GIP: variants seen among roughly 807,000 people sequenced by gnomAD.
GIP encodes gastric inhibitory polypeptide, also known as glucose-dependent insulinotropic polypeptide.
In GIP, 16 loss-of-function variants were observed where a neutral mutation model predicts 18.1. The ratio of observed to expected loss-of-function variants is 0.88; its 90% CI spans 0.60 to 1.34. The LOEUF (loss-of-function observed/expected upper bound fraction) is 1.34, where lower values mean the gene tolerates loss of function less well. Ranked by LOEUF, GIP falls within the 40% of genes most tolerant of loss-of-function variation. The pLI is 0.00. For synonymous variants in GIP, 76 were observed against 74.0 expected (o/e 1.03, Z -0.14); for missense variants, 192 against 183.4 (o/e 1.05, Z -0.27).
intron 1 of GIP, among the ~76,000 whole-genome samples, chr17:48,968,103 C>CT (rs941489985): frequency 6.6e-6 from 1 of 151,644 alleles, no homozygotes; most frequent in African/African-American, 2.4e-5. Context: ...TTCTCTTTCT[C>CT]TTTTTTTGAG....
chr17:48,965,801 C>T (rs939200952), intron 2 of GIP, among the ~76,000 whole-genome samples: 1 of 152,056 alleles, frequency 6.6e-6, no homozygotes, highest in South Asian at 2.1e-4. Flanking sequence ...ATTTCATCCT[C>T]ACAACATCCT....
chr17:48,967,339 G>T (rs963437023), intron 1 of GIP, 86 bp from the exon 2 acceptor site: 87 of 844,248 alleles, frequency 1.0e-4, no homozygotes, highest in South Asian at 3.0e-4. Flanking sequence ...CTGAGGTTTG[G>T]ACCCTTTCTT....
rs1340370721 is a variant in GIP at position 48,961,707 on chromosome 17, C to T, written c.350+20G>A. On this transcript the variant is annotated intron_variant, in intron 4 of 5. Coordinates refer to ENST00000357424, the MANE Select transcript of GIP (RefSeq NM_004123.3). ...GGCAGGAGGCTTGGCTCCCTCCCTTCCCTCTGCGCCCTGACTCACCTCTGT... is the reference window on the plus strand; with the variant it reads ...GGCAGGAGGCTTGGCTCCCTCCCTTTCCTCTGCGCCCTGACTCACCTCTGT... The T allele has an allele frequency of 6.5e-7, 1 of 1,531,774 alleles. No individual in the cohort carries two copies. The highest frequency in any genetic ancestry group is 1.1e-5 in the South Asian group (1 of 89,224). The allele number at this position is 1,531,774 out of a possible 1,614,324, so 94.9% of individuals were successfully genotyped here.
At chr17:48,962,744 G>A (rs2041207723) in intron 3 of GIP, among the ~76,000 whole-genome samples, 1 of 152,090 alleles carries the variant, frequency 6.6e-6, no homozygotes, top group Admixed American at 6.6e-5. Flanking sequence ...TCTCTCCCTT[G>A]CTTCATCCTC....
intron 1 of GIP, among the ~76,000 whole-genome samples, chr17:48,967,609 G>T (rs997876913): frequency 9.3e-5 from 14 of 150,962 alleles, no homozygotes; most frequent in Admixed American, 2.6e-4. Flanking sequence ...CTGCCCACCT[G>T]GGCCTCCCAA....
chr17:48,966,415 G>C (rs2041236260), intron 2 of GIP, among the ~76,000 whole-genome samples: 2 of 151,682 alleles, frequency 1.3e-5, no homozygotes, highest in African/African-American at 4.8e-5. Context: ...AATTAGCCGG[G>C]TGTGGTGGTG....
rs535631221 is a variant in GIP at position 48,960,631 on chromosome 17, A to C, written c.452+255T>G. 2.2e-4 allele frequency among the ~76,000 whole-genome samples: 33 copies of C among 152,252 alleles called. No homozygotes were observed. In the East Asian group the frequency reaches 3.3e-3, roughly 15 times the overall value. On this transcript the variant is annotated intron_variant, in intron 5 of 5. Transcript: ENST00000357424. The stretch of plus-strand genomic sequence containing the variant: ...CTTGCTGAGCTCTTATTACTCCTCA[A>C]AGATGGCCCTCAGGTCTCCACTTGA...
At chr17:48,968,146 G>A (rs2041245363) in intron 1 of GIP, among the ~76,000 whole-genome samples, 1 of 152,044 alleles carries the variant, frequency 6.6e-6, no homozygotes, top group Non-Finnish European at 1.5e-5. Context: ...GGGTTGGAGT[G>A]CAGTGACACA....
At chr17:48,966,329 A>G (rs529129924) in intron 2 of GIP, among the ~76,000 whole-genome samples, 4 of 151,002 alleles carry the variant, frequency 2.6e-5, no homozygotes, top group Non-Finnish European at 5.9e-5. Flanking sequence ...GCCAAGGTGG[A>G]TGGATCATCT....
chr17:48,964,623 C>A, intron 2 of GIP, 143 bp from the exon 3 acceptor site: 1 of 651,194 alleles, frequency 1.5e-6, no homozygotes, highest in Non-Finnish European at 2.6e-6. Flanking sequence ...CACTCCCCCA[C>A]CCCACCCCAG....
chr17:48,958,699 G>A lies in GIP; in HGVS notation c.*8C>T. On this transcript the variant is annotated 3_prime_UTR_variant, in exon 6 of 6. Coordinates refer to ENST00000357424, the MANE Select transcript of GIP (RefSeq NM_004123.3). ...CAGAATCCAGTCCTGAGCTGGGTGT[G>A]GTCAGAGTCACCGAGACCTGGGGAG... 1 of 1,581,596 alleles carries A rather than the reference G, an allele frequency of 6.3e-7. No homozygotes were observed. Among genetic ancestry groups the A allele is most frequent in the South Asian group, 1.2e-5 (1 of 85,886 alleles).
intron 5 of GIP, among the ~76,000 whole-genome samples, chr17:48,958,976 T>C: frequency 6.6e-6 from 1 of 151,174 alleles, no homozygotes; most frequent in African/African-American, 2.4e-5. Context: ...TGCCTCAGCC[T>C]CCCGAGTAGC....
At chr17:48,962,574 G>A (rs2041206445) in intron 3 of GIP, among the ~76,000 whole-genome samples, 2 of 151,548 alleles carry the variant, frequency 1.3e-5, no homozygotes, top group African/African-American at 2.4e-5. Flanking sequence ...TCACCATGTT[G>A]GCCAGGAGGG....
intron 5 of GIP, among the ~76,000 whole-genome samples, chr17:48,960,621 T>C (rs143698300): frequency 1.3e-5 from 2 of 152,284 alleles, no homozygotes; most frequent in African/African-American, 4.8e-5. Flanking sequence ...TGAGCTCTTA[T>C]TACTCCTCAA....
intron 1 of GIP, 38 bp from the exon 2 acceptor site, chr17:48,967,291 A>G: frequency 7.4e-7 from 1 of 1,353,840 alleles, no homozygotes; most frequent in Non-Finnish European, 1.1e-6. Context: ...TGAGAGAGCA[A>G]CCAGTAGGGG....
chr17:48,967,061 T>G (rs2041239045), intron 2 of GIP, 86 bp downstream of exon 2: 1 of 1,009,264 alleles, frequency 9.9e-7, no homozygotes, highest in Non-Finnish European at 1.6e-6. Context: ...TTCCTTCCCT[T>G]TCTCATCTCC....
intron 5 of GIP, among the ~76,000 whole-genome samples, chr17:48,960,572 GGAA>G (rs1210183573): frequency 1.3e-5 from 2 of 152,148 alleles, no homozygotes; most frequent in Non-Finnish European, 2.9e-5. Flanking sequence ...GGAAGAGTGA[GGAA>G]GAAGAACAAA....
At chr17:48,964,205 G>T in intron 3 of GIP, 105 bp downstream of exon 3, 1 of 716,982 alleles carries the variant, frequency 1.4e-6, no homozygotes, top group Non-Finnish European at 2.4e-6. Context: ...TGCCACCTGG[G>T]GTTGTGCATC....
Position 48,960,876 on chromosome 17 carries a change from A to T in GIP, c.452+10T>A, listed in dbSNP as rs370292108. On this transcript the variant is annotated intron_variant, in intron 5 of 5. Coordinates refer to ENST00000357424, the MANE Select transcript of GIP (RefSeq NM_004123.3). ...AGTTAGAACCGCTGTGCAACACCACACTCCCCTACCTGAGCCTGCAGAGGT... is the reference window on the plus strand; with the variant it reads ...AGTTAGAACCGCTGTGCAACACCACTCTCCCCTACCTGAGCCTGCAGAGGT... 5 of 1,538,858 alleles carry T rather than the reference A, an allele frequency of 3.2e-6. No individual in the cohort carries two copies. The African/African-American group carries it at 4.1e-5, about 13-fold the overall frequency.
Sources: allele counts gnomAD v4.1 joint callset (sites outside exome capture counted in the v4.1 genomes callset), GRCh38; gene constraint gnomAD v4.1.1; transcripts MANE v1.5; gene names NCBI Gene and HGNC (gene_info 2026-07-23, HGNC 2026-07-21).